The following KDM4C variants were observed in gnomAD, a reference collection of about 807,000 sequenced individuals.
The protein encoded by KDM4C is lysine demethylase 4C.
A neutral mutation model predicts 129.3 loss-of-function variants in KDM4C; 81 were observed. The ratio of observed to expected loss-of-function variants is 0.63; its 90% CI spans 0.52 to 0.75. The LOEUF is 0.75. Among genes scored for constraint, KDM4C ranks in the 30% least tolerant of loss-of-function variants. The pLI, the probability that KDM4C is intolerant of heterozygous loss-of-function variation, is 0.00. For synonymous variants in KDM4C, 573 were observed against 456.1 expected (o/e 1.26, Z -3.26); for missense variants, 1,457 against 1,304.0 (o/e 1.12, Z -1.81).
At chr9:7,044,442 G>A (rs191982851) in intron 15 of KDM4C, among the ~76,000 whole-genome samples, 30 of 151,966 alleles carry the variant, frequency 2.0e-4, no homozygotes, top group African/African-American at 7.0e-4. Flanking sequence ...GGTGGCTATT[G>A]CAATAGTTTA....
intron 17 of KDM4C, among the ~76,000 whole-genome samples, chr9:7,050,378 G>T (rs1028297410): frequency 3.2e-4 from 42 of 132,222 alleles, no homozygotes; most frequent in African/African-American, 1.2e-3. Flanking sequence ...GAAGTAAGAA[G>T]AGAGTATAAT....
intron 3 of KDM4C, among the ~76,000 whole-genome samples, chr9:6,810,130 T>G (rs985164700): frequency 2.6e-5 from 4 of 152,254 alleles, no homozygotes; most frequent in Admixed American, 6.5e-5. Context: ...ATAAAGAAAC[T>G]TTGATCATCC....
chr9:7,042,191 G>C (rs1828718727), intron 15 of KDM4C, among the ~76,000 whole-genome samples: 1 of 152,018 alleles, frequency 6.6e-6, no homozygotes, highest in Non-Finnish European at 1.5e-5. Context: ...TAAAGTATCT[G>C]AGGCACAGAG....
chr9:6,725,421 T>C (rs539450070), intron 1 of KDM4C, among the ~76,000 whole-genome samples: 2 of 152,248 alleles, frequency 1.3e-5, no homozygotes, highest in African/African-American at 2.4e-5. Context: ...TTGCCTTGTA[T>C]AATGTTTCTT....
chr9:7,119,863 TCTTC>T (rs959748012), intron 18 of KDM4C, among the ~76,000 whole-genome samples: 275 of 152,270 alleles, frequency 1.8e-3, no homozygotes, highest in African/African-American at 6.3e-3. Flanking sequence ...CTGGAGGGCC[TCTTC>T]CTTCCCTGAT....
chr9:7,018,200 A>G (rs1315374334), intron 15 of KDM4C, among the ~76,000 whole-genome samples: 1 of 152,216 alleles, frequency 6.6e-6, no homozygotes, highest in Non-Finnish European at 1.5e-5. Context: ...GCCCATTGCT[A>G]CTAATGTCCT....
At chr9:6,749,246 C>T (rs568787167) in intron 1 of KDM4C, among the ~76,000 whole-genome samples, 10 of 152,176 alleles carry the variant, frequency 6.6e-5, no homozygotes, top group African/African-American at 2.4e-4. Context: ...TTCGAACCCC[C>T]GACCTCAGGT....
chr9:6,973,258 C>T (rs1469477524), intron 8 of KDM4C, among the ~76,000 whole-genome samples: 1 of 152,100 alleles, frequency 6.6e-6, no homozygotes, highest in African/African-American at 2.4e-5. Context: ...GCCCAGGCTG[C>T]TCTTGAACTT....
chr9:7,003,827 A>G (rs1821170235), intron 12 of KDM4C, among the ~76,000 whole-genome samples: 1 of 152,212 alleles, frequency 6.6e-6, no homozygotes, highest in Non-Finnish European at 1.5e-5. Flanking sequence ...AGTTTCATAC[A>G]TTATTCAGTA....
At chr9:6,743,048 G>A (rs1365239817) in intron 1 of KDM4C, among the ~76,000 whole-genome samples, 1 of 152,008 alleles carries the variant, frequency 6.6e-6, no homozygotes, top group Non-Finnish European at 1.5e-5. Flanking sequence ...GGTCTAAAAA[G>A]GAAAAAATCA....
intron 3 of KDM4C, among the ~76,000 whole-genome samples, chr9:6,809,146 G>C (rs149925487): frequency 6.6e-6 from 1 of 152,256 alleles, no homozygotes; most frequent in East Asian, 1.9e-4. Context: ...CTATTCCAAA[G>C]AAATTGAAAA....
intron 18 of KDM4C, among the ~76,000 whole-genome samples, chr9:7,118,930 G>A (rs1012906206): frequency 1.3e-5 from 2 of 151,918 alleles, no homozygotes; most frequent in Admixed American, 6.6e-5. Context: ...CTACCTATAC[G>A]GCCAAAGCAA....
chr9:6,801,134 C>T (rs527500626), intron 2 of KDM4C, among the ~76,000 whole-genome samples: 1 of 150,526 alleles, frequency 6.6e-6, no homozygotes, highest in Admixed American at 6.6e-5. Flanking sequence ...TGACGCTTGA[C>T]TTGAGTTTCA....
chr9:6,995,955 A>C (rs557008249), intron 12 of KDM4C, among the ~76,000 whole-genome samples: 4 of 152,332 alleles, frequency 2.6e-5, no homozygotes, highest in African/African-American at 4.8e-5. Context: ...GGCGTGAGCC[A>C]CCGCGCCCGG....
intron 4 of KDM4C, chr9:6,834,344 CTT>C (rs980422320): frequency 6.4e-6 from 2 of 311,496 alleles, no homozygotes; most frequent in Non-Finnish European, 1.3e-5. Context: ...CCGATAGTCT[CTT>C]TGTCATGATT....
At chr9:7,163,529 C>T (rs1408075790) in intron 19 of KDM4C, among the ~76,000 whole-genome samples, 3 of 152,160 alleles carry the variant, frequency 2.0e-5, no homozygotes, top group African/African-American at 7.2e-5. Context: ...TCTTTAGCAG[C>T]AGGAGAAGCA....
intron 19 of KDM4C, among the ~76,000 whole-genome samples, chr9:7,140,594 G>A (rs1432703916): frequency 2.6e-5 from 4 of 152,126 alleles, no homozygotes; most frequent in African/African-American, 9.7e-5. Flanking sequence ...AGCCGCATCT[G>A]GGTACCTGCA....
At chr9:7,104,071 G>A (rs1006298000) in intron 18 of KDM4C, 3 of 551,678 alleles carry the variant, frequency 5.4e-6, no homozygotes, top group Non-Finnish European at 9.8e-6. Flanking sequence ...CCTGGTGCAC[G>A]CTAGGCACAA....
At chr9:6,932,014 T>C (rs944703549) in intron 8 of KDM4C, among the ~76,000 whole-genome samples, 1 of 152,210 alleles carries the variant, frequency 6.6e-6, no homozygotes, top group African/African-American at 2.4e-5. Context: ...GTGTCAGTGA[T>C]TCATCAGAGA....
Sources: allele counts gnomAD v4.1 joint callset (sites outside exome capture counted in the v4.1 genomes callset), GRCh38; gene constraint gnomAD v4.1.1; transcripts MANE v1.5; gene names NCBI Gene and HGNC (gene_info 2026-07-23, HGNC 2026-07-21).